BRDT: variants seen among roughly 807,000 people sequenced by gnomAD.
BRDT encodes bromodomain testis-specific protein.
In BRDT, 77 loss-of-function variants were observed where a neutral mutation model predicts 113.9. That is an observed-to-expected ratio of 0.68 (90% CI 0.56 to 0.82). The LOEUF (loss-of-function observed/expected upper bound fraction) is 0.82, where lower values mean the gene tolerates loss of function less well. Among genes scored for constraint, BRDT ranks in the 40% least tolerant of loss-of-function variants. The pLI is 0.00. For synonymous variants in BRDT, 358 were observed against 366.5 expected (o/e 0.98, Z 0.26); for missense variants, 1,027 against 1,105.4 (o/e 0.93, Z 1.01).
intron 4 of BRDT, 112 bp from the exon 5 acceptor site, chr1:91,976,154 C>CTT: frequency 1.0e-6 from 1 of 1,002,962 alleles, no homozygotes; most frequent in Non-Finnish European, 1.4e-6. Flanking sequence ...AAATAAGTAT[C>CTT]CTATGCTTAT....
In BRDT at chr1:91,971,311, C is replaced by T. The variant is rs555102104; in HGVS notation, c.445+3051C>T. Among the ~76,000 whole-genome samples, 5 of 152,242 alleles carry T rather than the reference C, an allele frequency of 3.3e-5. No individual in the cohort carries two copies. The South Asian group carries it at 1.0e-3, about 32-fold the overall frequency. On this transcript the variant is annotated intron_variant, in intron 4 of 18. Transcript: ENST00000399546. ...ATTTGAAGAGGACAAAACATCCAAA[C>T]CATATCACGCTGGAAAAGTTGGGAG...
chr1:92,014,301 C>T lies in BRDT; in HGVS notation c.*27C>T. The T allele has an allele frequency of 6.8e-7, 1 of 1,460,968 alleles. No homozygotes were observed. Among genetic ancestry groups the T allele is most frequent in the South Asian group, 1.3e-5 (1 of 79,180 alleles). 90.5% of individuals were successfully genotyped at this position (1,460,968 alleles called of 1,614,324 possible). A position where few individuals can be genotyped will look rare whatever the true frequency, so the allele number is the denominator to read the frequency against. On this transcript the variant is annotated 3_prime_UTR_variant, in exon 19 of 19. Transcript: ENST00000399546. The stretch of plus-strand genomic sequence containing the variant: ...ACTCAGTTTTTAAATTAACCATCAA[C>T]TTAAAATGAATGGTAAAAGATCAAA...
chr1:91,978,130 G>T, intron 6 of BRDT, 38 bp from the exon 7 acceptor site: 1 of 1,553,062 alleles, frequency 6.4e-7, no homozygotes, highest in South Asian at 1.1e-5. Flanking sequence ...TTATTGAATT[G>T]AACTATTTGT....
chr1:92,002,312 C>T (rs187440108), intron 16 of BRDT, among the ~76,000 whole-genome samples, 163 bp downstream of exon 16: 65 of 152,224 alleles, frequency 4.3e-4, no homozygotes, highest in African/African-American at 1.4e-3. Flanking sequence ...TGAGCAACAT[C>T]CTTCCCCTAC....
chr1:92,003,776 C>T (rs1238608522), intron 16 of BRDT, among the ~76,000 whole-genome samples: 3 of 152,000 alleles, frequency 2.0e-5, no homozygotes, highest in Admixed American at 2.0e-4. Flanking sequence ...TATTGATTAC[C>T]TGTTGAAATA....
chr1:91,993,780 TTAA>T (rs1410236678), intron 14 of BRDT, among the ~76,000 whole-genome samples: 1 of 152,170 alleles, frequency 6.6e-6, no homozygotes, highest in Non-Finnish European at 1.5e-5. Flanking sequence ...ATAGCATTGT[TTAA>T]TAATATACAT....
intron 12 of BRDT, among the ~76,000 whole-genome samples, chr1:91,987,076 A>G (rs964924365): frequency 6.6e-6 from 1 of 151,742 alleles, no homozygotes; most frequent in Non-Finnish European, 1.5e-5. Flanking sequence ...TGCACCACCA[A>G]GCCTGGCTAA....
At chr1:91,969,850 CAG>C (rs1683454074) in intron 4 of BRDT, among the ~76,000 whole-genome samples, 8 of 106,586 alleles carry the variant, frequency 7.5e-5, no homozygotes, top group South Asian at 6.4e-4. Flanking sequence ...TTTTTTGAGA[CAG>C]AGTTTCACTC....
In BRDT at chr1:91,980,381, C is replaced by G. The variant is rs1448218245; in HGVS notation, c.1288-262C>G. The stretch of plus-strand genomic sequence containing the variant: ...GCTCAAAAAACAAAAAACTTAAGAC[C>G]ACCTGGAAATGTTATTTATTCTTGA... On this transcript the variant is annotated intron_variant, in intron 8 of 18. Transcript: ENST00000399546. Among the ~76,000 whole-genome samples the G allele has an allele frequency of 1.8e-4, 28 of 152,248 alleles. No individual in the cohort carries two copies. In the East Asian group the frequency reaches 5.4e-3, roughly 29 times the overall value.
intron 14 of BRDT, among the ~76,000 whole-genome samples, chr1:91,992,816 G>A (rs367726018): frequency 2.0e-5 from 3 of 152,140 alleles, no homozygotes; most frequent in Non-Finnish European, 2.9e-5. Context: ...GATTACAGGC[G>A]TGAGCCACCA....
chr1:92,004,358 C>A, intron 16 of BRDT, 56 bp from the exon 17 acceptor site: 1 of 1,294,984 alleles, frequency 7.7e-7, no homozygotes, highest in African/African-American at 1.5e-5. Context: ...TGTTTTCTTC[C>A]TTCCAAAATT....
intron 1 of BRDT, among the ~76,000 whole-genome samples, chr1:91,959,459 G>C (rs1682185666): frequency 7.2e-6 from 1 of 139,482 alleles, no homozygotes; most frequent in Admixed American, 7.6e-5. Flanking sequence ...AGGTCTCACT[G>C]TGTTGCCCAG....
At chr1:92,012,498 A>G (rs1687885235) in intron 18 of BRDT, among the ~76,000 whole-genome samples, 1 of 152,250 alleles carries the variant, frequency 6.6e-6, no homozygotes, top group Admixed American at 6.5e-5. Context: ...TACTTATAGC[A>G]GTATCACATG....
At chr1:92,008,953 C>T (rs956762416) in intron 18 of BRDT, among the ~76,000 whole-genome samples, 2 of 152,246 alleles carry the variant, frequency 1.3e-5, no homozygotes, top group African/African-American at 4.8e-5. Flanking sequence ...CATGTATCAC[C>T]TCACCTTTTG....
chr1:92,009,454 C>A (rs956814609), intron 18 of BRDT, among the ~76,000 whole-genome samples: 1 of 151,588 alleles, frequency 6.6e-6, no homozygotes, highest in Non-Finnish European at 1.5e-5. Context: ...TTATTACTTA[C>A]CTATTGAAGG....
In BRDT at chr1:91,990,014, A is replaced by C. The variant is rs185641564; in HGVS notation, c.2003-1170A>C. ...TTGACCATCCGTGGTGTCCTGGAGC[A>C]TGAAACAAATAACACTCAGGTGGTC... On this transcript the variant is annotated intron_variant, in intron 12 of 18. Coordinates refer to ENST00000399546, the MANE Select transcript of BRDT (RefSeq NM_207189.4). Among the ~76,000 whole-genome samples the C allele has an allele frequency of 1.0e-3, 156 of 152,352 alleles. 1 individual carries two copies. The highest frequency in any genetic ancestry group is 7.3e-5 in the Non-Finnish European group (5 of 68,042).
intron 1 of BRDT, among the ~76,000 whole-genome samples, chr1:91,955,716 A>G (rs1681687106): frequency 6.6e-6 from 1 of 152,242 alleles, no homozygotes; most frequent in Non-Finnish European, 1.5e-5. Flanking sequence ...ATACATTATA[A>G]AAGGGAAAAT....
chr1:91,972,655 A>G (rs1311654702), intron 4 of BRDT, among the ~76,000 whole-genome samples: 2 of 152,200 alleles, frequency 1.3e-5, no homozygotes, highest in Non-Finnish European at 2.9e-5. Flanking sequence ...CCTTACCCTC[A>G]CAGAGCTTTT....
At chr1:91,972,953 G>A (rs966605959) in intron 4 of BRDT, among the ~76,000 whole-genome samples, 26 of 152,160 alleles carry the variant, frequency 1.7e-4, no homozygotes, top group African/African-American at 5.8e-4. Flanking sequence ...ACAATGGCAT[G>A]GAAAAAATAA....
Sources: allele counts gnomAD v4.1 joint callset (sites outside exome capture counted in the v4.1 genomes callset), GRCh38; gene constraint gnomAD v4.1.1; transcripts MANE v1.5; gene names NCBI Gene and HGNC (gene_info 2026-07-23, HGNC 2026-07-21).